LRIG1: variants seen among roughly 807,000 people sequenced by gnomAD.
The protein encoded by LRIG1 is leucine rich repeats and immunoglobulin like domains 1.
A neutral mutation model predicts 99.2 loss-of-function variants in LRIG1; 48 were observed. The ratio of observed to expected loss-of-function variants is 0.48; its 90% confidence interval spans 0.38 to 0.62. LRIG1 has a LOEUF of 0.62. Ranked by LOEUF, LRIG1 falls within the 20% of genes least tolerant of loss-of-function variation. LRIG1 has a pLI of 0.00. For missense variants in LRIG1, 1,646 were observed against 1,434.4 expected (o/e 1.15, Z -2.38); for synonymous variants, 772 against 596.1 (o/e 1.29, Z -4.30).
intron 1 of LRIG1, among the ~76,000 whole-genome samples, chr3:66,463,795 C>T (rs1411947836): frequency 2.6e-5 from 4 of 152,178 alleles, no homozygotes; most frequent in African/African-American, 9.7e-5. Flanking sequence ...AAACTTACTC[C>T]AGAGACATTT....
At chr3:66,470,970 G>A (rs1700582755) in intron 1 of LRIG1, among the ~76,000 whole-genome samples, 1 of 152,152 alleles carries the variant, frequency 6.6e-6, no homozygotes. Flanking sequence ...TTGTTAATAT[G>A]GTATGTGCAT....
chr3:66,402,951 A>G (rs1332588468), intron 9 of LRIG1, among the ~76,000 whole-genome samples: 1 of 152,022 alleles, frequency 6.6e-6, no homozygotes, highest in Non-Finnish European at 1.5e-5. Flanking sequence ...TTCAACAAAC[A>G]TCGACTCAAC....
At chr3:66,439,734 G>A (rs1040525308) in intron 3 of LRIG1, among the ~76,000 whole-genome samples, 1 of 152,098 alleles carries the variant, frequency 6.6e-6, no homozygotes, top group African/African-American at 2.4e-5. Flanking sequence ...TGACAGTTGG[G>A]TGGGCTATCA....
intron 12 of LRIG1, among the ~76,000 whole-genome samples, chr3:66,393,396 G>C (rs1355312752): frequency 2.0e-5 from 3 of 152,230 alleles, no homozygotes; most frequent in Non-Finnish European, 4.4e-5. Context: ...CCGTGAGCCT[G>C]TGTCAGTCCT....
At chr3:66,432,718 C>T (rs531478202) in intron 3 of LRIG1, among the ~76,000 whole-genome samples, 3 of 152,124 alleles carry the variant, frequency 2.0e-5, no homozygotes, top group Non-Finnish European at 2.9e-5. Context: ...AACTGCCTCA[C>T]CAGGGAAGCG....
At chr3:66,407,231 T>C (rs1183639281) in intron 8 of LRIG1, 117 bp downstream of exon 8, 2 of 1,088,702 alleles carry the variant, frequency 1.8e-6, no homozygotes, top group African/African-American at 3.1e-5. Context: ...CAAGCCAGCT[T>C]TGGATCCAAT....
chr3:66,462,590 G>C, intron 1 of LRIG1, 81 bp from the exon 2 acceptor site: 1 of 928,518 alleles, frequency 1.1e-6, no homozygotes, highest in Non-Finnish European at 1.7e-6. Flanking sequence ...TCTTCTCCTG[G>C]CTCCCCCACC....
At chr3:66,491,061 T>G (rs186456242) in intron 1 of LRIG1, among the ~76,000 whole-genome samples, 10 of 152,342 alleles carry the variant, frequency 6.6e-5, no homozygotes, top group Admixed American at 6.5e-4. Flanking sequence ...CAAATCTGTG[T>G]GAAGTTTAAA....
intron 1 of LRIG1, among the ~76,000 whole-genome samples, chr3:66,487,136 G>T (rs1334375633): frequency 6.6e-6 from 1 of 152,144 alleles, no homozygotes; most frequent in Admixed American, 6.5e-5. Flanking sequence ...AAGGAAGAGA[G>T]GACTATCCAT....
chr3:66,480,173 T>C (rs564482278), intron 1 of LRIG1, among the ~76,000 whole-genome samples: 2 of 152,240 alleles, frequency 1.3e-5, no homozygotes, highest in South Asian at 2.1e-4. Context: ...TATGGACGAA[T>C]CATGACAACA....
chr3:66,487,832 A>C (rs150604359), intron 1 of LRIG1, among the ~76,000 whole-genome samples: 8 of 151,996 alleles, frequency 5.3e-5, no homozygotes, highest in Non-Finnish European at 1.0e-4. Context: ...TAAAGGGAGA[A>C]TTTTTTTTGT....
At chr3:66,410,572 C>T (rs112443316) in intron 6 of LRIG1, among the ~76,000 whole-genome samples, 4 of 152,280 alleles carry the variant, frequency 2.6e-5, no homozygotes, top group East Asian at 1.9e-4. Context: ...CTGGGTGTGG[C>T]GGCTTATGCC....
intron 5 of LRIG1, among the ~76,000 whole-genome samples, chr3:66,413,262 C>T (rs959572107): frequency 2.0e-5 from 3 of 152,182 alleles, no homozygotes; most frequent in African/African-American, 4.8e-5. Flanking sequence ...CAGCCAGCTC[C>T]GAGGCTGGCC....
intron 1 of LRIG1, among the ~76,000 whole-genome samples, chr3:66,497,704 C>CAAA (rs71616223): frequency 0.066 from 5,825 of 88,606 alleles, 296 homozygotes; most frequent in Non-Finnish European, 0.09. Context: ...GCACTGTTTA[C>CAAA]AAAAAAAAAA....
chr3:66,384,319 C>T, intron 13 of LRIG1, 47 bp from the exon 14 acceptor site: 1 of 1,572,312 alleles, frequency 6.4e-7, no homozygotes, highest in Non-Finnish European at 8.7e-7. Context: ...CAGCTAGATG[C>T]AAAACCAGGA....
At chr3:66,478,084 CAT>C (rs1315662089) in intron 1 of LRIG1, among the ~76,000 whole-genome samples, 2 of 152,218 alleles carry the variant, frequency 1.3e-5, no homozygotes, top group African/African-American at 4.8e-5. Context: ...AACCACAGCA[CAT>C]CTCAAGGAAA....
intron 1 of LRIG1, among the ~76,000 whole-genome samples, chr3:66,494,676 C>G (rs1293856749): frequency 6.6e-6 from 1 of 152,100 alleles, no homozygotes; most frequent in African/African-American, 2.4e-5. Flanking sequence ...AATATAAGAA[C>G]ATATAAAGCA....
intron 11 of LRIG1, among the ~76,000 whole-genome samples, chr3:66,394,816 CTT>C (rs1447894108): frequency 2.0e-5 from 3 of 152,188 alleles, no homozygotes; most frequent in African/African-American, 2.4e-5. Context: ...GTGCCACCCT[CTT>C]GTTTGTGCCT....
At chr3:66,452,822 T>C (rs1216390357) in intron 2 of LRIG1, among the ~76,000 whole-genome samples, 6 of 152,200 alleles carry the variant, frequency 3.9e-5, no homozygotes, top group African/African-American at 1.4e-4. Flanking sequence ...GGGATGAAGC[T>C]TGGCAATTAC....
Sources: allele counts gnomAD v4.1 joint callset (sites outside exome capture counted in the v4.1 genomes callset), GRCh38; gene constraint gnomAD v4.1.1; transcripts MANE v1.5; gene names NCBI Gene and HGNC (gene_info 2026-07-23, HGNC 2026-07-21).